The following SLC12A7 variants were observed in gnomAD, a reference collection of about 807,000 sequenced individuals.
SLC12A7 encodes solute carrier family 12 member 7.
A neutral mutation model predicts 120.6 loss-of-function variants in SLC12A7; 100 were observed. The observed-to-expected ratio is 0.83, with a 90% confidence interval of 0.71 to 0.98. The LOEUF is 0.98. SLC12A7 is among the 50% of genes least tolerant of loss of function. The pLI is 0.00. For synonymous variants in SLC12A7, 760 were observed against 678.0 expected, an observed-to-expected ratio of 1.12 and a Z score of -1.88; for missense variants, 1,373 against 1,548.1, an observed-to-expected ratio of 0.89 and a Z score of 1.90.
At position 1,085,244 on chromosome 5, in the gene SLC12A7, G is replaced by A. The variant is rs775846065; in HGVS notation, c.905C>T (p.Pro302Leu). 14 of 1,612,570 alleles carry A rather than the reference G, an allele frequency of 8.7e-6. No individual in the cohort carries two copies. In the South Asian group the frequency reaches 1.3e-4, roughly 15 times the overall value. The change falls in exon 7 of 24, where the codon CCC becomes CTC. Residue 302 changes from proline to leucine, a missense_variant. By Grantham distance (98) the Pro-to-Leu change is moderately conservative. Coordinates refer to ENST00000264930, the MANE Select transcript of SLC12A7 (RefSeq NM_006598.3). ...YAGVIKSAFD[P>L]PDIPVCLLGN... ...CCCCGAGACTCACGGGATGTCCGGG[G>A]GGTCGAAGGCAGACTTGATGACGCC...
intron 20 of SLC12A7, among the ~76,000 whole-genome samples, chr5:1,062,721 C>T (rs1351431705): frequency 6.7e-6 from 1 of 149,190 alleles, no homozygotes; most frequent in Non-Finnish European, 1.5e-5. Flanking sequence ...GACTGGGGGG[C>T]TGCGGGGCTG....
At chr5:1,083,714 C>T (rs1191452922) in intron 8 of SLC12A7, 31 bp downstream of exon 8, 1 of 1,607,054 alleles carries the variant, frequency 6.2e-7, no homozygotes, top group African/African-American at 1.3e-5. Context: ...CCGCCACCCC[C>T]CAGCTCCAGC....
At chr5:1,124,904 G>T in the SLC12A7 span, among the ~76,000 whole-genome samples, 1 of 152,166 alleles carries the variant, frequency 6.6e-6, no homozygotes, top group African/African-American at 2.4e-5. Flanking sequence ...ATGACGCCCC[G>T]CTTCAGCAAA....
chr5:1,139,925 G>A, the SLC12A7 span, among the ~76,000 whole-genome samples: 1 of 152,202 alleles, frequency 6.6e-6, no homozygotes, highest in Non-Finnish European at 1.5e-5. Context: ...GGGCCTCAGG[G>A]CTCTGATCCC....
At chr5:1,053,518 G>T in intron 22 of SLC12A7, 36 bp from the exon 23 acceptor site, 1 of 1,606,708 alleles carries the variant, frequency 6.2e-7, no homozygotes, top group Middle Eastern at 1.7e-4. Context: ...CGGGCGGCGG[G>T]TGCACCCCAC....
At chr5:1,088,431 C>A in intron 4 of SLC12A7, 71 bp from the exon 5 acceptor site, 1 of 1,493,018 alleles carries the variant, frequency 6.7e-7, no homozygotes, top group South Asian at 1.2e-5. Context: ...ACTCCCAAGT[C>A]AGGGTCTATG....
the SLC12A7 span, among the ~76,000 whole-genome samples, chr5:1,119,238 A>C: frequency 1.3e-5 from 2 of 152,166 alleles, no homozygotes; most frequent in South Asian, 4.1e-4. Flanking sequence ...GCGTTTTCTA[A>C]ACATTCAGCT....
At position 1,050,731 on chromosome 5, in the gene SLC12A7, G is replaced by A. The variant is rs545242714; in HGVS notation, c.*1629C>T. 104 of 397,108 alleles carry A rather than the reference G, an allele frequency of 2.6e-4. 2 individuals are homozygous for A. The South Asian group carries it at 0.013, about 51-fold the overall frequency. The allele number at this position is 397,108 out of a possible 1,614,324, so 24.6% of individuals were successfully genotyped here. A position where few individuals can be genotyped will look rare whatever the true frequency, so the allele number is the denominator to read the frequency against. On this transcript the variant is annotated 3_prime_UTR_variant, in exon 24 of 24. Coordinates refer to ENST00000264930, the MANE Select transcript of SLC12A7 (RefSeq NM_006598.3). ...CGGCCCCATCCAGACATGGAGGAGC[G>A]TTTTGCTGCTTAACTCATGCTTAGC...
intron 21 of SLC12A7, among the ~76,000 whole-genome samples, chr5:1,059,077 C>T (rs778261921): frequency 2.6e-5 from 4 of 152,246 alleles, no homozygotes; most frequent in South Asian, 4.1e-4. Flanking sequence ...ACCCTTGTGA[C>T]GCCAGGGCGA....
rs566403637 is a variant in SLC12A7, at chr5:1,063,109, G to C, written c.2739+735C>G. 4.6e-5 allele frequency: 7 copies of C among 152,526 alleles called. No homozygotes were observed. In the East Asian group the frequency reaches 1.2e-3, roughly 25 times the overall value. The allele number at this position is 152,526 out of a possible 1,614,324, so 9.4% of individuals were successfully genotyped here. A position where few individuals can be genotyped will look rare whatever the true frequency, so the allele number is the denominator to read the frequency against. ...AGAGCTCCATGCTTGGGGGCCGGGGGCAAGCGCTCCAATGCCAGGCCTCCG... is the reference window on the plus strand; with the variant it reads ...AGAGCTCCATGCTTGGGGGCCGGGGCCAAGCGCTCCAATGCCAGGCCTCCG... On this transcript the variant is annotated intron_variant, in intron 20 of 23. Transcript: ENST00000264930.
intron 15 of SLC12A7, 28 bp downstream of exon 15, chr5:1,075,343 G>T (rs1415489084): frequency 6.2e-7 from 1 of 1,602,466 alleles, no homozygotes; most frequent in Non-Finnish European, 8.5e-7. Flanking sequence ...CGTGCGCCGG[G>T]TCTGTAAGGG....
At position 1,086,935 on chromosome 5, in the gene SLC12A7, T is replaced by G. The variant is rs1354395478; in HGVS notation, c.643A>C (p.Met215Leu). Residue 215 changes from methionine to leucine, a missense_variant, in exon 6 of 24, where the codon ATG becomes CTG. Coordinates refer to ENST00000264930, the MANE Select transcript of SLC12A7 (RefSeq NM_006598.3). ...ATCTCGATGGTCCCCAAAATATACA[T>G]GGCCCCTGCAAACGTCGTGCCCAGG... ...FYLGTTFAGA[M>L]YILGTIEIFL... 6.2e-7 allele frequency: 1 copy of G among 1,612,824 alleles called. No homozygotes were observed. Among genetic ancestry groups the G allele is most frequent in the Non-Finnish European group, 8.5e-7 (1 of 1,179,980 alleles).
rs1741191064 is a variant in SLC12A7 at position 1,096,718 on chromosome 5, AGGAAAGGAGGGAGGGG to A, written c.125-2486_125-2471del. On this transcript the variant is annotated intron_variant, in intron 1 of 23. Transcript: ENST00000264930. ...AAGGGAGGGAAGGAAGGAGGGAGGA[AGGAAAGGAGGGAGGGG>A]GGAAGGGAGGGAAGGAAGGAGGGAG... Among the ~76,000 whole-genome samples, 3 of 38,768 alleles carry A rather than the reference AGGAAAGGAGGGAGGGG, an allele frequency of 7.7e-5. No homozygotes were observed. In the South Asian group the frequency reaches 4.8e-3, roughly 63 times the overall value. The allele number at this position is 38,768 out of a possible 152,430, so 25.4% of individuals were successfully genotyped here. A position where few individuals can be genotyped will look rare whatever the true frequency, so the allele number is the denominator to read the frequency against.
At chr5:1,109,755 C>T (rs1443241024) in intron 1 of SLC12A7, among the ~76,000 whole-genome samples, 1 of 152,268 alleles carries the variant, frequency 6.6e-6, no homozygotes, top group Non-Finnish European at 1.5e-5. Flanking sequence ...CCACGCCCAC[C>T]TGGCAGTGCC....
chr5:1,112,088 G>A (rs1284553562), upstream of SLC12A7: 18 of 1,162,192 alleles, frequency 1.5e-5, no homozygotes, highest in East Asian at 1.1e-4. Flanking sequence ...GGGTCCGACC[G>A]AGCCGCCCCG....
the SLC12A7 span, among the ~76,000 whole-genome samples, chr5:1,139,796 C>T: frequency 6.6e-6 from 1 of 152,220 alleles, no homozygotes. Flanking sequence ...TTCCCGAGCC[C>T]CACTTCCCAG....
chr5:1,105,788 G>T (rs1336547549), intron 1 of SLC12A7, among the ~76,000 whole-genome samples: 2 of 152,140 alleles, frequency 1.3e-5, no homozygotes, highest in African/African-American at 4.8e-5. Flanking sequence ...TACCAGGAGG[G>T]CCCCCAGCCA....
chr5:1,123,754 G>A, the SLC12A7 span, among the ~76,000 whole-genome samples: 2 of 152,228 alleles, frequency 1.3e-5, no homozygotes, highest in Non-Finnish European at 2.9e-5. Context: ...AAACTGGTAG[G>A]GCATATCCTG....
intron 23 of SLC12A7, 151 bp downstream of exon 23, chr5:1,053,198 C>T: frequency 9.9e-7 from 1 of 1,013,774 alleles, no homozygotes; most frequent in Non-Finnish European, 1.4e-6. Flanking sequence ...GGCTCAGAGC[C>T]CCACTGCATC....
Sources: allele counts gnomAD v4.1 joint callset (sites outside exome capture counted in the v4.1 genomes callset), GRCh38; gene constraint gnomAD v4.1.1; transcripts MANE v1.5; gene names NCBI Gene and HGNC (gene_info 2026-07-23, HGNC 2026-07-21).